Variants in ZC3H12B observed in about 807,000 individuals in gnomAD.
ZC3H12B encodes probable ribonuclease ZC3H12B.
Under a neutral mutation model 43.9 loss-of-function variants are expected in ZC3H12B, and 7 were observed. The ratio of observed to expected loss-of-function variants is 0.16; its 90% CI spans 0.09 to 0.30. The LOEUF is 0.30. Ranked by LOEUF, ZC3H12B falls within the 10% of genes least tolerant of loss-of-function variation. The pLI is 1.00. For missense variants in ZC3H12B, 475 were observed against 670.2 expected (o/e 0.71, Z 3.22); for synonymous variants, 222 against 241.7 (o/e 0.92, Z 0.76).
At chrX:65,056,684 G>A in the ZC3H12B span, among the ~76,000 whole-genome samples, 1 of 111,349 alleles carries the variant, frequency 9.0e-6, no homozygotes, top group Non-Finnish European at 1.9e-5. Context: ...CATGTTGACA[G>A]TGGGGTGTTA....
chrX:65,219,789 G>A, the ZC3H12B span, among the ~76,000 whole-genome samples: 2 of 93,184 alleles, frequency 2.1e-5, no homozygotes, highest in African/African-American at 8.2e-5. Flanking sequence ...CCAAATACAA[G>A]AAGCATACAT....
At chrX:65,210,028 A>C in the ZC3H12B span, among the ~76,000 whole-genome samples, 2 of 58,994 alleles carry the variant, frequency 3.4e-5, no homozygotes, top group East Asian at 8.9e-4. Context: ...CATGTCCAAA[A>C]CACCAAAAGC....
At chrX:65,337,966 T>C in the ZC3H12B span, among the ~76,000 whole-genome samples, 1 of 111,926 alleles carries the variant, frequency 8.9e-6, no homozygotes, top group Admixed American at 9.5e-5. Context: ...ATCAGTCTTG[T>C]TTTTTATCTG....
rs187106379 is a variant in ZC3H12B at position 65,479,849 on chromosome X, A to G, written n.408-8797A>G. Among the ~76,000 whole-genome samples the G allele has an allele frequency of 3.6e-5, 4 of 112,656 alleles. No homozygotes were observed. In the East Asian group the frequency reaches 1.1e-3, roughly 31 times the overall value. On this transcript the variant is annotated intron_variant and non_coding_transcript_variant, in intron 3 of 5. Transcript: ENST00000617377. ...ACTCCACAGTGTGGGAGCGGGCCAG[A>G]GCATAGGGGCTCAAGGGCTCCATTA...
the ZC3H12B span, among the ~76,000 whole-genome samples, chrX:65,236,086 C>T: frequency 9.0e-6 from 1 of 111,643 alleles, no homozygotes; most frequent in African/African-American, 3.3e-5. Flanking sequence ...GAAAAAACAC[C>T]ATTTTATTTT....
At chrX:65,269,945 A>G in the ZC3H12B span, among the ~76,000 whole-genome samples, 5 of 112,066 alleles carry the variant, frequency 4.5e-5, no homozygotes, top group African/African-American at 9.7e-5. Flanking sequence ...ATATTATTAA[A>G]ATGTTCATAT....
chrX:65,425,505 G>A (rs1388297064), intron 3 of ZC3H12B, among the ~76,000 whole-genome samples: 1 of 110,408 alleles, frequency 9.1e-6, no homozygotes, highest in Non-Finnish European at 1.9e-5. Flanking sequence ...ATATTGAATA[G>A]GAATAGTGAA....
At chrX:65,375,411 A>G (rs1411200753) in intron 2 of ZC3H12B, among the ~76,000 whole-genome samples, 2 of 112,298 alleles carry the variant, frequency 1.8e-5, no homozygotes, top group African/African-American at 3.2e-5. Context: ...TATGCTAAGC[A>G]AAGAGCCAGT....
At chrX:65,378,593 G>A (rs939391665) in intron 2 of ZC3H12B, among the ~76,000 whole-genome samples, 1 of 112,085 alleles carries the variant, frequency 8.9e-6, no homozygotes, top group Non-Finnish European at 1.9e-5. Context: ...AAAATGGCAG[G>A]AGTGGGGGAG....
chrX:65,091,726 A>G, the ZC3H12B span, among the ~76,000 whole-genome samples: 1 of 112,001 alleles, frequency 8.9e-6, no homozygotes, highest in African/African-American at 3.2e-5. Context: ...TACAAAAAAA[A>G]CATCTTAGCA....
At chrX:65,129,228 C>T in the ZC3H12B span, among the ~76,000 whole-genome samples, 3 of 105,953 alleles carry the variant, frequency 2.8e-5, no homozygotes, top group African/African-American at 1.0e-4. Context: ...ATTTTAATGG[C>T]TCTATTATAT....
the ZC3H12B span, among the ~76,000 whole-genome samples, chrX:65,212,143 T>A: frequency 1.8e-5 from 1 of 55,145 alleles, no homozygotes; most frequent in Non-Finnish European, 2.9e-5. Flanking sequence ...ATATATTATA[T>A]TAACATTATA....
chrX:65,166,004 G>A, the ZC3H12B span, among the ~76,000 whole-genome samples: 1 of 110,111 alleles, frequency 9.1e-6, no homozygotes, highest in Non-Finnish European at 1.9e-5. Flanking sequence ...GGCATGAGAT[G>A]GTATCTTATT....
the ZC3H12B span, among the ~76,000 whole-genome samples, chrX:65,223,242 G>C: frequency 9.0e-6 from 1 of 110,794 alleles, no homozygotes. Context: ...ACTTGGCCAG[G>C]CATTATGGAT....
chrX:65,058,852 C>T, the ZC3H12B span, among the ~76,000 whole-genome samples: 1 of 112,242 alleles, frequency 8.9e-6, no homozygotes. Flanking sequence ...AGCGAGGCTT[C>T]GTGGGCGTGT....
At chrX:65,444,534 G>A (rs1460392251) in intron 3 of ZC3H12B, among the ~76,000 whole-genome samples, 1 of 112,513 alleles carries the variant, frequency 8.9e-6, no homozygotes, top group African/African-American at 3.2e-5. Flanking sequence ...CCCTAGCCAT[G>A]TGGAACTGTA....
At chrX:65,233,868 A>G in the ZC3H12B span, among the ~76,000 whole-genome samples, 2 of 111,568 alleles carry the variant, frequency 1.8e-5, no homozygotes, top group Non-Finnish European at 3.8e-5. Context: ...CAAAAATAAA[A>G]CGAGAGACAA....
At chrX:65,383,290 T>A (rs1212108395) in intron 2 of ZC3H12B, among the ~76,000 whole-genome samples, 2 of 111,425 alleles carry the variant, frequency 1.8e-5, no homozygotes, top group African/African-American at 6.5e-5. Flanking sequence ...GACATCAGAA[T>A]TAATGCCGCA....
the ZC3H12B span, among the ~76,000 whole-genome samples, chrX:65,115,903 G>GT: frequency 2.3e-4 from 26 of 110,676 alleles, no homozygotes; most frequent in African/African-American, 7.5e-4. Context: ...TGATGGGATT[G>GT]TTTTTTTCTT....
Sources: gnomAD v4.1 joint callset for allele counts (sites outside exome capture counted in the v4.1 genomes callset) on GRCh38, gnomAD v4.1.1 for gene constraint, MANE v1.5 for transcripts, NCBI Gene and HGNC (gene_info 2026-07-23, HGNC 2026-07-21) for gene names.